PHACTR2: variants seen among roughly 807,000 people sequenced by gnomAD.
The protein encoded by PHACTR2 is chromosome 6 open reading frame 56.
PHACTR2 carries 30 observed loss-of-function variants against 76.0 expected under a neutral mutation model. The ratio of observed to expected loss-of-function variants is 0.39; its 90% CI spans 0.30 to 0.54. PHACTR2 has a LOEUF of 0.54. Among genes scored for constraint, PHACTR2 ranks in the 20% least tolerant of loss-of-function variants. The pLI, the probability that PHACTR2 is intolerant of heterozygous loss-of-function variation, is 0.61. For synonymous variants in PHACTR2, 292 were observed against 292.5 expected, an observed-to-expected ratio of 1.00 and a Z score of 0.02; for missense variants, 696 against 781.1, an observed-to-expected ratio of 0.89 and a Z score of 1.30.
rs2128432974 is a variant in PHACTR2, at chr6:143,580,266, A to T, written c.217+43059A>T. On this transcript the variant is annotated intron_variant, in intron 1 of 11. Coordinates refer to the PHACTR2 transcript ENST00000367584. The surrounding 1 kb of genome is among the most constrained non-coding windows in gnomAD (Gnocchi z 4.2). ...TTTGGGAGGCCAAGGCAGGCAGATCACGAGGTCAGGAAATCGAGACCATCT... is the reference window on the plus strand; with the variant it reads ...TTTGGGAGGCCAAGGCAGGCAGATCTCGAGGTCAGGAAATCGAGACCATCT... 6.6e-6 allele frequency among the ~76,000 whole-genome samples: 1 copy of T among 152,262 alleles called. No individual in the cohort carries two copies. The highest frequency in any genetic ancestry group is 2.1e-4 in the South Asian group (1 of 4,820).
chr6:143,558,989 A>C lies in PHACTR2; in HGVS notation c.217+21782A>C, dbSNP rs1434843762. ...GTGCACTGAAAGGGTCTCTCCAGAC[A>C]CTTGACAATCAGAAGCAGATATGGT... On this transcript the variant is annotated intron_variant, in intron 1 of 11. Transcript: ENST00000367584. This position sits in a 1 kb window ranked among gnomAD's most constrained non-coding sequence, Gnocchi z 4.7. 1.3e-5 allele frequency among the ~76,000 whole-genome samples: 2 copies of C among 152,182 alleles called. No individual in the cohort carries two copies. The highest frequency in any genetic ancestry group is 1.5e-5 in the Non-Finnish European group (1 of 68,030).
At position 143,790,676 on chromosome 6, in the gene PHACTR2, C is replaced by CTT. The variant is rs758900964; in HGVS notation, c.1845+1780_1845+1781dup. Among the ~76,000 whole-genome samples, 79 of 140,164 alleles carry CTT rather than the reference C, an allele frequency of 5.6e-4. 2 individuals carry two copies. The highest frequency in any genetic ancestry group is 9.1e-4 in the South Asian group (4 of 4,414). 92.0% of individuals were successfully genotyped at this position (140,164 alleles called of 152,430 possible). On this transcript the variant is annotated intron_variant, in intron 11 of 12. Coordinates refer to ENST00000440869, the MANE Select transcript of PHACTR2 (RefSeq NM_001100164.2). ...TTGCAAATATTGATTTAACAAGATT[C>CTT]TTTTTTTTTTTTTTTGAGACGGAGT... is the stretch of plus-strand genomic sequence containing the variant.
rs1775674850 is a variant in PHACTR2, at chr6:143,791,010, A to C, written c.1845+2100A>C. ...TCTTAAACTTAATACAGTCGAATTTATCAACCTTTTTCTTTATGGCTTATG... is the reference window on the plus strand; with the variant it reads ...TCTTAAACTTAATACAGTCGAATTTCTCAACCTTTTTCTTTATGGCTTATG... On this transcript the variant is annotated intron_variant, in intron 11 of 12. Transcript: ENST00000440869. The surrounding 1 kb of genome is among the most constrained non-coding windows in gnomAD (Gnocchi z 4.7). Among the ~76,000 whole-genome samples the C allele has an allele frequency of 6.6e-6, 1 of 152,206 alleles. No homozygotes were observed. Among genetic ancestry groups the C allele is most frequent in the African/African-American group, 2.4e-5 (1 of 41,456 alleles).
intron 1 of PHACTR2, among the ~76,000 whole-genome samples, chr6:143,564,379 T>C (rs1775332510): frequency 6.6e-6 from 1 of 151,776 alleles, no homozygotes; most frequent in South Asian, 2.1e-4. Context: ...CTGAGACACA[T>C]AATAATGCCC....
intron 1 of PHACTR2, among the ~76,000 whole-genome samples, chr6:143,582,904 A>T (rs1269530849): frequency 1.3e-5 from 2 of 152,238 alleles, no homozygotes; most frequent in Non-Finnish European, 2.9e-5. Flanking sequence ...ATTCAGTTGT[A>T]TTGAAAGAAA....
rs181165974 is a variant in PHACTR2 at position 143,800,718 on chromosome 6, T to A, written c.1846-6339T>A. Reference sequence around the variant, plus strand: ...ACATTTAAGGTTAATATTGTTATGTTTGAATTTGATCCTGTCATTATGATG... The same window carrying A: ...ACATTTAAGGTTAATATTGTTATGTATGAATTTGATCCTGTCATTATGATG... On this transcript the variant is annotated intron_variant, in intron 11 of 12. Coordinates refer to ENST00000440869, the MANE Select transcript of PHACTR2 (RefSeq NM_001100164.2). This position sits in a 1 kb window ranked among gnomAD's most constrained non-coding sequence, Gnocchi z 4.8. Among the ~76,000 whole-genome samples, 1 of 152,186 alleles carries A rather than the reference T, an allele frequency of 6.6e-6. No homozygotes were observed. Among genetic ancestry groups the A allele is most frequent in the African/African-American group, 2.4e-5 (1 of 41,436 alleles).
rs746027973 is a variant in PHACTR2 at position 143,805,479 on chromosome 6, CAAA to C, written c.1846-1559_1846-1557del. Among the ~76,000 whole-genome samples the C allele has an allele frequency of 1.9e-3, 178 of 95,142 alleles. 1 individual carries two copies. Among genetic ancestry groups the C allele is most frequent in the African/African-American group, 5.9e-3 (165 of 28,164 alleles). The allele number at this position is 95,142 out of a possible 152,430, so 62.4% of individuals were successfully genotyped here. A position where few individuals can be genotyped will look rare whatever the true frequency, so the allele number is the denominator to read the frequency against. ...GGGTGACAAGAGTGAAACTCCGTCT[CAAA>C]AAAAAAAAAAAAAAAAAACCTCCTT... On this transcript the variant is annotated intron_variant, in intron 11 of 12. Transcript: ENST00000440869.
At chr6:143,612,218 G>C (rs1421331909) in intron 1 of PHACTR2, among the ~76,000 whole-genome samples, 1 of 152,186 alleles carries the variant, frequency 6.6e-6, no homozygotes. Flanking sequence ...TTTTTTTATA[G>C]ATGGAAATAA....
At position 143,688,764 on chromosome 6, in the gene PHACTR2, A is replaced by C. The variant is rs1777576050; in HGVS notation, c.46+10555A>C. ...AGCTCTGGGGCCATCCATTACATGGACAACTGCAGTAGATTCCAGCTGCTC... is the reference window on the plus strand; with the variant it reads ...AGCTCTGGGGCCATCCATTACATGGCCAACTGCAGTAGATTCCAGCTGCTC... On this transcript the variant is annotated intron_variant, in intron 1 of 12. Transcript: ENST00000440869. The surrounding 1 kb of genome is among the most constrained non-coding windows in gnomAD (Gnocchi z 5.2). 6.6e-6 allele frequency among the ~76,000 whole-genome samples: 1 copy of C among 152,142 alleles called. No individual in the cohort carries two copies.
At chr6:143,771,039 C>T (rs1181515943) in intron 6 of PHACTR2, among the ~76,000 whole-genome samples, 1 of 140,962 alleles carries the variant, frequency 7.1e-6, no homozygotes, top group Admixed American at 7.2e-5. Context: ...TTACAAGAGG[C>T]AGTTTTAAAA....
Position 143,679,774 on chromosome 6 carries a change from A to AC in PHACTR2, c.46+1568dup, listed in dbSNP as rs1462132888. 6.6e-6 allele frequency among the ~76,000 whole-genome samples: 1 copy of AC among 152,040 alleles called. No homozygotes were observed. The highest frequency in any genetic ancestry group is 2.4e-5 in the African/African-American group (1 of 41,392). ...CCCTACGTCTTAGTACAGCAAAAAAACCCGGATTGCTATAATTCCAAATAA... is the reference window on the plus strand; with the variant it reads ...CCCTACGTCTTAGTACAGCAAAAAAACCCCGGATTGCTATAATTCCAAATAA... On this transcript the variant is annotated intron_variant, in intron 1 of 12. Coordinates refer to ENST00000440869, the MANE Select transcript of PHACTR2 (RefSeq NM_001100164.2). The surrounding 1 kb of genome is among the most constrained non-coding windows in gnomAD (Gnocchi z 4.6).
At chr6:143,704,289 A>G (rs1164089401) in intron 1 of PHACTR2, among the ~76,000 whole-genome samples, 1 of 152,204 alleles carries the variant, frequency 6.6e-6, no homozygotes, top group African/African-American at 2.4e-5. Context: ...GTGTTGAAAC[A>G]GCCATTTAAA....
At position 143,829,494 on chromosome 6, in the gene PHACTR2, T is replaced by C. The variant is rs1294657634; in HGVS notation, c.*5805T>C. 2 of 152,222 alleles carry C rather than the reference T, an allele frequency of 1.3e-5. No homozygotes were observed. Among genetic ancestry groups the C allele is most frequent in the Non-Finnish European group, 2.9e-5 (2 of 68,032 alleles). The allele number at this position is 152,222 out of a possible 1,614,324, so 9.4% of individuals were successfully genotyped here. ...ATGCGATTCAACTTTTCTAATAAGA[T>C]TTGTGAATGCTGCATCATGATGAAA... On this transcript the variant is annotated 3_prime_UTR_variant, in exon 13 of 13. Coordinates refer to ENST00000440869, the MANE Select transcript of PHACTR2 (RefSeq NM_001100164.2).
rs758414885 is a variant in PHACTR2 at position 143,757,306 on chromosome 6, T to C, written c.455-3095T>C. Reference sequence around the variant, plus strand: ...CCAGAATGCAAACGGGCAATTGTAGTGCAAGATGCGAAGTACCGTAGAAGG... The same window carrying C: ...CCAGAATGCAAACGGGCAATTGTAGCGCAAGATGCGAAGTACCGTAGAAGG... On this transcript the variant is annotated intron_variant, in intron 4 of 12. Transcript: ENST00000440869. The surrounding 1 kb of genome is among the most constrained non-coding windows in gnomAD (Gnocchi z 4.2). Among the ~76,000 whole-genome samples the C allele has an allele frequency of 3.3e-5, 5 of 152,204 alleles. No homozygotes were observed. Among genetic ancestry groups the C allele is most frequent in the Admixed American group, 2.0e-4 (3 of 15,290 alleles).
chr6:143,756,809 A>G (rs1383897673), intron 4 of PHACTR2, among the ~76,000 whole-genome samples: 1 of 152,142 alleles, frequency 6.6e-6, no homozygotes, highest in African/African-American at 2.4e-5. Context: ...GCACTTTGAG[A>G]GGCCAAGGCG....
intron 1 of PHACTR2, among the ~76,000 whole-genome samples, chr6:143,628,703 T>C (rs1222149662): frequency 1.3e-5 from 2 of 151,836 alleles, no homozygotes; most frequent in African/African-American, 2.4e-5. Context: ...TAAGGTACCA[T>C]TTATAGGCTC....
chr6:143,563,402 A>G (rs910070089), intron 1 of PHACTR2, among the ~76,000 whole-genome samples: 1 of 152,046 alleles, frequency 6.6e-6, no homozygotes, highest in Non-Finnish European at 1.5e-5. Context: ...ATCTCTACGA[A>G]AAATTAAGCC....
chr6:143,799,242 C>G (rs1463922308), intron 11 of PHACTR2, among the ~76,000 whole-genome samples: 1 of 152,148 alleles, frequency 6.6e-6, no homozygotes, highest in Non-Finnish European at 1.5e-5. Flanking sequence ...TCCCCTTTAT[C>G]ATTTTTTATT....
At position 143,724,353 on chromosome 6, in the gene PHACTR2, C is replaced by T. The variant is rs1186788031; in HGVS notation, c.214+12170C>T. Among the ~76,000 whole-genome samples the T allele has an allele frequency of 2.0e-5, 3 of 152,144 alleles. No homozygotes were observed. The East Asian group carries it at 5.8e-4, about 29-fold the overall frequency. On this transcript the variant is annotated intron_variant, in intron 2 of 12. Coordinates refer to ENST00000440869, the MANE Select transcript of PHACTR2 (RefSeq NM_001100164.2). The stretch of plus-strand genomic sequence containing the variant: ...TTCACTGTGTTAGCCAGGATGGTCT[C>T]GATCTCCCGAACTCGTGATCCACCC...
Sources: gnomAD v4.1 joint callset for allele counts (sites outside exome capture counted in the v4.1 genomes callset) on GRCh38, gnomAD v4.1.1 for gene constraint, Gnocchi (gnomAD v3.1) non-coding constraint, MANE v1.5 for transcripts, NCBI Gene and HGNC (gene_info 2026-07-23, HGNC 2026-07-21) for gene names.